The following NAV1 variants were observed in gnomAD, a reference collection of about 807,000 sequenced individuals.
NAV1 encodes neuron navigator 1.
In NAV1, 18 loss-of-function variants were observed where a neutral mutation model predicts 175.2. That is an observed-to-expected ratio of 0.10 (90% confidence interval 0.07 to 0.15). The LOEUF (loss-of-function observed/expected upper bound fraction) is 0.15, where lower values mean the gene tolerates loss of function less well. Among genes scored for constraint, NAV1 ranks in the 10% least tolerant of loss-of-function variants. NAV1 has a pLI of 1.00. For missense variants in NAV1, 1,731 were observed against 2,436.6 expected, an observed-to-expected ratio of 0.71 and a Z score of 6.10; for synonymous variants, 897 against 978.7, an observed-to-expected ratio of 0.92 and a Z score of 1.56.
At chr1:201,619,214 C>T (rs1668086769), upstream of NAV1, among the ~76,000 whole-genome samples, 1 of 152,250 alleles carries the variant, frequency 6.6e-6, no homozygotes, top group South Asian at 2.1e-4. Flanking sequence ...GCTCCATTAG[C>T]AAGCGAGGGA....
intron 1 of NAV1, among the ~76,000 whole-genome samples, chr1:201,686,138 C>A (rs1670677642): frequency 6.6e-6 from 1 of 152,098 alleles, no homozygotes; most frequent in South Asian, 2.1e-4. Context: ...GCTGCCTGGC[C>A]CTTCTAGATG....
chr1:201,757,660 C>G (rs1168526654), intron 3 of NAV1, among the ~76,000 whole-genome samples: 1 of 152,204 alleles, frequency 6.6e-6, no homozygotes, highest in Non-Finnish European at 1.5e-5. Context: ...AATCAGCTGA[C>G]CAGGGGCATC....
rs902566459 is a variant in NAV1 at position 201,561,030 on chromosome 1, G to T, written c.-144+21688G>T. 3.3e-5 allele frequency among the ~76,000 whole-genome samples: 5 copies of T among 152,198 alleles called. No individual in the cohort carries two copies. The South Asian group carries it at 1.0e-3, about 32-fold the overall frequency. On this transcript the variant is annotated intron_variant, in intron 1 of 33. Transcript: ENST00000685211. ...AGGGAGTGTGTTCATCCAGTGACTGGCTTGGGACCAACCTGGGGTGGGGCT... is the reference window on the plus strand; with the variant it reads ...AGGGAGTGTGTTCATCCAGTGACTGTCTTGGGACCAACCTGGGGTGGGGCT...
rs539577533 is a variant in NAV1, at chr1:201,660,471, C to A, written c.757+11046C>A. Among the ~76,000 whole-genome samples the A allele has an allele frequency of 2.6e-5, 4 of 152,296 alleles. No homozygotes were observed. The South Asian group carries it at 8.3e-4, about 32-fold the overall frequency. On this transcript the variant is annotated intron_variant, in intron 1 of 29. Coordinates refer to ENST00000367296, the Ensembl canonical transcript of NAV1. ...GCACCCCAGGACTCTCTGAGGTTTC[C>A]CAGCCCAGCCTGTAGCTTTGGGACC...
chr1:201,648,052 T>C (rs1571861718), upstream of NAV1, among the ~76,000 whole-genome samples: 2 of 82,602 alleles, frequency 2.4e-5, no homozygotes, highest in African/African-American at 9.9e-5. Context: ...CGCAGATACC[T>C]CCCCCTCCCG....
rs535736870 is a variant in NAV1, at chr1:201,713,012, C to T, written c.860+93C>T. On this transcript the variant is annotated intron_variant, in intron 2 of 29. Coordinates refer to ENST00000367296, the Ensembl canonical transcript of NAV1. ...AGGGCCCCCGGGTCCCTCCACACCT[C>T]TGCCAGGTCAGCCAGGTGGCCTGAT... is the stretch of plus-strand genomic sequence containing the variant. The T allele has an allele frequency of 1.2e-4, 109 of 880,136 alleles. 1 individual carries two copies. The South Asian group carries it at 1.5e-3, about 12-fold the overall frequency. 54.5% of individuals were successfully genotyped at this position (880,136 alleles called of 1,614,324 possible). A position where few individuals can be genotyped will look rare whatever the true frequency, so the allele number is the denominator to read the frequency against.
At chr1:201,735,013 A>T (rs1673051318) in intron 3 of NAV1, among the ~76,000 whole-genome samples, 1 of 152,178 alleles carries the variant, frequency 6.6e-6, no homozygotes, top group South Asian at 2.1e-4. Context: ...TTGAACAGTA[A>T]CACAGCTGGG....
intron 1 of NAV1, among the ~76,000 whole-genome samples, chr1:201,710,972 C>A (rs1414632479): frequency 2.0e-5 from 3 of 152,230 alleles, no homozygotes; most frequent in Non-Finnish European, 4.4e-5. Context: ...AAACCCACAC[C>A]TTGGCACCAT....
chr1:201,629,150 C>T (rs897802664), intron 1 of NAV1, among the ~76,000 whole-genome samples: 1 of 152,158 alleles, frequency 6.6e-6, no homozygotes, highest in Non-Finnish European at 1.5e-5. Context: ...TGTAGAATGT[C>T]AAGGGGTGAC....
In NAV1 at chr1:201,718,530, G is replaced by T; in HGVS notation, c.1001G>T (p.Gly334Val). ...CAGGCTGGTGACGCGCCCTCTGTGG[G>T]TGGGAGCTGCCGCTCGGAGGGGACG... The change falls in exon 3 of 30, where the codon GGT (glycine) becomes GTT (valine). Residue 334 changes from glycine (G) to valine (V), a missense_variant. By Grantham distance (109) the Gly-to-Val change is moderately radical. Around this residue, in one of 13 missense-constraint regions of NAV1, gnomAD observed 487 missense variants for 581.3 expected, o/e 0.84. Coordinates refer to ENST00000367296, the Ensembl canonical transcript of NAV1. The surrounding 1 kb of genome is among the most constrained non-coding windows in gnomAD (Gnocchi z 4.8). 6.2e-7 allele frequency: 1 copy of T among 1,612,160 alleles called. No homozygotes were observed. Among genetic ancestry groups the T allele is most frequent in the Non-Finnish European group, 8.5e-7 (1 of 1,178,958 alleles).
At chr1:201,678,849 G>T (rs888293687) in intron 1 of NAV1, among the ~76,000 whole-genome samples, 5 of 151,982 alleles carry the variant, frequency 3.3e-5, no homozygotes, top group Non-Finnish European at 7.4e-5. Flanking sequence ...AGAAAAAGTC[G>T]AAGGAGGAAG....
chr1:201,823,191 T>A (rs2102852014), exon 30 of NAV1: 1 of 152,766 alleles, frequency 6.5e-6, no homozygotes, highest in African/African-American at 2.4e-5. Flanking sequence ...ATATCTAATG[T>A]CAACCAATGG....
At chr1:201,543,649 A>G (rs570813597) in intron 1 of NAV1, among the ~76,000 whole-genome samples, 34 of 152,298 alleles carry the variant, frequency 2.2e-4, no homozygotes, top group African/African-American at 6.7e-4. Context: ...AACATCTAAC[A>G]ATTATATTGT....
In NAV1 at chr1:201,546,224, G is replaced by C. The variant is rs985464411; in HGVS notation, c.-144+6882G>C. 2.0e-5 allele frequency among the ~76,000 whole-genome samples: 3 copies of C among 152,198 alleles called. No homozygotes were observed. The South Asian group carries it at 6.2e-4, about 31-fold the overall frequency. ...TTCAGGAAGAGGGCTGGATTGCACG[G>C]CATACCCTGCACTATTGCGTGCTGC... On this transcript the variant is annotated intron_variant, in intron 1 of 33. Coordinates refer to the NAV1 transcript ENST00000685211.
chr1:201,815,860 T>C (rs1427283236), intron 28 of NAV1, among the ~76,000 whole-genome samples: 2 of 152,082 alleles, frequency 1.3e-5, no homozygotes, highest in Non-Finnish European at 2.9e-5. Flanking sequence ...TGCCTCAGCC[T>C]CCCAAGTAGC....
At chr1:201,799,504 A>C (rs1464716425) in intron 15 of NAV1, among the ~76,000 whole-genome samples, 3 of 152,240 alleles carry the variant, frequency 2.0e-5, no homozygotes, top group Non-Finnish European at 4.4e-5. Context: ...TTCAAAATGC[A>C]CAAGAGGTTT....
chr1:201,643,114 T>TCTTC (rs1054753607), intron 2 of NAV1, among the ~76,000 whole-genome samples: 113 of 148,184 alleles, frequency 7.6e-4, no homozygotes, highest in African/African-American at 2.6e-3. Context: ...TTTCTTTCTT[T>TCTTC]CTTCCTTCCT....
chr1:201,612,707 C>T (rs186431333), intron 2 of NAV1, among the ~76,000 whole-genome samples: 2,424 of 152,320 alleles, frequency 0.016, 31 homozygotes, highest in Non-Finnish European at 0.023. Flanking sequence ...AAAGGCCCAC[C>T]TCTTAATACT....
At chr1:201,775,336 G>A (rs1017042558) in intron 3 of NAV1, among the ~76,000 whole-genome samples, 3 of 152,200 alleles carry the variant, frequency 2.0e-5, no homozygotes, top group Non-Finnish European at 2.9e-5. Context: ...AACTCAGCTC[G>A]TAGAATGCTG....
Sources: gnomAD v4.1 joint callset for allele counts (sites outside exome capture counted in the v4.1 genomes callset) on GRCh38, gnomAD v4.1.1 for gene constraint, gnomAD v4.1.1 regional missense constraint, Gnocchi (gnomAD v3.1) non-coding constraint, MANE v1.5 for transcripts, NCBI Gene and HGNC (gene_info 2026-07-23, HGNC 2026-07-21) for gene names.